NOX4: variants seen among roughly 807,000 people sequenced by gnomAD.
The protein encoded by NOX4 is NADPH oxidase 4.
A neutral mutation model predicts 87.6 loss-of-function variants in NOX4; 69 were observed. The observed-to-expected ratio is 0.79, with a 90% CI of 0.65 to 0.96. NOX4 has a LOEUF of 0.96. NOX4 is among the 40% of genes least tolerant of loss of function. The pLI is 0.00. For missense variants in NOX4, 680 were observed against 681.5 expected (o/e 1.00, Z 0.02); for synonymous variants, 275 against 238.2 (o/e 1.15, Z -1.42).
intron 7 of NOX4, among the ~76,000 whole-genome samples, chr11:89,424,386 A>G (rs1317415577): frequency 6.6e-6 from 1 of 150,716 alleles, no homozygotes; most frequent in Non-Finnish European, 1.5e-5. Flanking sequence ...TTATTTCCAG[A>G]AAAAGTAGAT....
At chr11:89,452,179 C>A (rs1038755208) in intron 2 of NOX4, among the ~76,000 whole-genome samples, 1 of 152,194 alleles carries the variant, frequency 6.6e-6, no homozygotes, top group Non-Finnish European at 1.5e-5. Context: ...TCTTGTTCTG[C>A]CCCTACCCCA....
intron 2 of NOX4, among the ~76,000 whole-genome samples, chr11:89,465,628 T>C (rs494144): frequency 0.66 from 100,699 of 152,020 alleles, 35,382 homozygotes; most frequent in African/African-American, 0.91. Context: ...TCTCCACATC[T>C]TCTCCAGCAT....
chr11:89,357,746 A>C (rs1243136464), intron 12 of NOX4, among the ~76,000 whole-genome samples: 1 of 152,172 alleles, frequency 6.6e-6, no homozygotes, highest in Non-Finnish European at 1.5e-5. Flanking sequence ...AAAAGCAAAC[A>C]AAATTCGGAA....
At chr11:89,403,327 C>T (rs1941982953) in intron 8 of NOX4, among the ~76,000 whole-genome samples, 1 of 152,062 alleles carries the variant, frequency 6.6e-6, no homozygotes, top group African/African-American at 2.4e-5. Context: ...AACAAGGTCA[C>T]TGCTGCATAA....
intron 12 of NOX4, among the ~76,000 whole-genome samples, chr11:89,363,522 A>C (rs987238442): frequency 1.3e-5 from 2 of 152,138 alleles, no homozygotes; most frequent in Non-Finnish European, 2.9e-5. Flanking sequence ...CAATGCCATT[A>C]TAGCTACTTG....
the NOX4 span, among the ~76,000 whole-genome samples, chr11:89,577,983 C>T: frequency 6.6e-6 from 1 of 151,928 alleles, no homozygotes; most frequent in Admixed American, 6.6e-5. Context: ...TTTTGTGGAA[C>T]TCTGCATGGT....
the NOX4 span, among the ~76,000 whole-genome samples, chr11:89,568,347 A>T: frequency 6.6e-6 from 1 of 152,364 alleles, no homozygotes; most frequent in African/African-American, 2.4e-5. Context: ...AAGTTGGAGT[A>T]ATAAAGAAAA....
chr11:89,575,660 G>T, the NOX4 span, among the ~76,000 whole-genome samples: 2 of 152,080 alleles, frequency 1.3e-5, no homozygotes, highest in East Asian at 3.9e-4. Context: ...TTTTGTTTCT[G>T]TTTTTTACTT....
chr11:89,346,855 T>C (rs1946235888), intron 13 of NOX4, among the ~76,000 whole-genome samples: 1 of 152,218 alleles, frequency 6.6e-6, no homozygotes, highest in Non-Finnish European at 1.5e-5. Flanking sequence ...ACAGTCCTGA[T>C]GACAGGGTTT....
intron 2 of NOX4, chr11:89,488,934 G>A (rs1328743200): frequency 4.4e-6 from 3 of 688,308 alleles, no homozygotes; most frequent in African/African-American, 1.8e-5. Flanking sequence ...AACTTGAGGG[G>A]CGAGGTGAGG....
At chr11:89,530,899 G>A in the NOX4 span, among the ~76,000 whole-genome samples, 13 of 152,290 alleles carry the variant, frequency 8.5e-5, no homozygotes, top group Admixed American at 2.0e-4. Context: ...AATAAGAAAC[G>A]TAGGTACAGA....
chr11:89,398,647 C>T (rs1941642562), intron 11 of NOX4, among the ~76,000 whole-genome samples: 1 of 150,556 alleles, frequency 6.6e-6, no homozygotes, highest in Non-Finnish European at 1.5e-5. Context: ...TGTTTTACAA[C>T]ATGCTTTACA....
intron 2 of NOX4, among the ~76,000 whole-genome samples, chr11:89,461,255 A>T (rs887570404): frequency 2.0e-5 from 3 of 152,080 alleles, no homozygotes; most frequent in South Asian, 2.1e-4. Context: ...ACATGTACAC[A>T]TATGTAACAA....
chr11:89,421,758 T>C (rs2135263386), intron 8 of NOX4, 144 bp downstream of exon 8: 1 of 527,432 alleles, frequency 1.9e-6, no homozygotes, highest in East Asian at 3.4e-5. Flanking sequence ...TCTTCCATTC[T>C]TGACGTTATC....
At chr11:89,448,102 A>G (rs1359982981) in intron 4 of NOX4, among the ~76,000 whole-genome samples, 2 of 152,160 alleles carry the variant, frequency 1.3e-5, no homozygotes, top group East Asian at 3.9e-4. Flanking sequence ...GGAATAATTA[A>G]CCCTTGCAAC....
At chr11:89,456,950 T>A (rs1393637470) in intron 2 of NOX4, among the ~76,000 whole-genome samples, 3 of 152,176 alleles carry the variant, frequency 2.0e-5, no homozygotes, top group Non-Finnish European at 4.4e-5. Flanking sequence ...ACATCCTCTG[T>A]CTGCTGGCCT....
At chr11:89,542,003 G>A in the NOX4 span, among the ~76,000 whole-genome samples, 1 of 151,606 alleles carries the variant, frequency 6.6e-6, no homozygotes, top group African/African-American at 2.4e-5. Context: ...TAGATACAGA[G>A]TCTCACCATG....
chr11:89,378,723 G>C (rs1399387525), intron 11 of NOX4, among the ~76,000 whole-genome samples: 4 of 152,060 alleles, frequency 2.6e-5, no homozygotes, highest in African/African-American at 9.7e-5. Flanking sequence ...AACGTCAAAG[G>C]TGGGCAGCTC....
upstream of NOX4, among the ~76,000 whole-genome samples, chr11:89,493,541 T>C (rs1011345924): frequency 6.6e-6 from 1 of 152,040 alleles, no homozygotes; most frequent in African/African-American, 2.4e-5. Flanking sequence ...ATATAAATGT[T>C]GGTTATTACT....
Sources: allele counts gnomAD v4.1 joint callset (sites outside exome capture counted in the v4.1 genomes callset), GRCh38; gene constraint gnomAD v4.1.1; transcripts MANE v1.5; gene names NCBI Gene and HGNC (gene_info 2026-07-23, HGNC 2026-07-21).